The following PPP2R2B variants were observed in gnomAD, a reference collection of about 807,000 sequenced individuals.
The protein encoded by PPP2R2B is protein phosphatase 2 regulatory subunit Bbeta, also known as serine/threonine-protein phosphatase 2A 55 kDa regulatory subunit B beta isoform.
In PPP2R2B, 5 loss-of-function variants were observed where a neutral mutation model predicts 46.0. That is an observed-to-expected ratio of 0.11 (90% CI 0.06 to 0.23). The LOEUF is 0.23. PPP2R2B is among the 10% of genes least tolerant of loss of function. The pLI is 1.00. For synonymous variants in PPP2R2B, 215 were observed against 206.7 expected, an observed-to-expected ratio of 1.04 and a Z score of -0.34; for missense variants, 367 against 575.0, an observed-to-expected ratio of 0.64 and a Z score of 3.70.
intron 2 of PPP2R2B, among the ~76,000 whole-genome samples, chr5:146,721,063 C>G (rs1349032383): frequency 2.0e-5 from 3 of 152,196 alleles, no homozygotes; most frequent in East Asian, 3.9e-4. Flanking sequence ...ACCAGAGCAG[C>G]CTTAATTTGG....
At chr5:147,005,424 G>A (rs1270483736) in intron 1 of PPP2R2B, among the ~76,000 whole-genome samples, 3 of 152,214 alleles carry the variant, frequency 2.0e-5, no homozygotes, top group African/African-American at 4.8e-5. Context: ...TATACAGATA[G>A]CAAGTATGCT....
chr5:146,915,659 G>A (rs571733360), intron 1 of PPP2R2B, among the ~76,000 whole-genome samples: 5 of 152,170 alleles, frequency 3.3e-5, no homozygotes, highest in Admixed American at 1.3e-4. Flanking sequence ...TTTCCTTAAC[G>A]ACTGACTCAT....
chr5:146,971,642 G>A (rs996273023), intron 1 of PPP2R2B, among the ~76,000 whole-genome samples: 3 of 152,078 alleles, frequency 2.0e-5, no homozygotes, highest in Non-Finnish European at 4.4e-5. Context: ...TAATTCAGTT[G>A]TTATTTTGAA....
intron 2 of PPP2R2B, among the ~76,000 whole-genome samples, chr5:146,872,302 A>G (rs1303597123): frequency 6.6e-6 from 1 of 152,180 alleles, no homozygotes; most frequent in Non-Finnish European, 1.5e-5. Flanking sequence ...GTCATTTACA[A>G]TAGTGTAAGG....
intron 1 of PPP2R2B, among the ~76,000 whole-genome samples, chr5:147,030,598 A>T (rs1755734767): frequency 6.6e-6 from 1 of 151,912 alleles, no homozygotes; most frequent in Non-Finnish European, 1.5e-5. Flanking sequence ...AACTTCTGAA[A>T]TTTCCCTCTA....
intron 1 of PPP2R2B, among the ~76,000 whole-genome samples, chr5:146,926,540 G>A (rs1253563059): frequency 1.3e-5 from 2 of 151,850 alleles, no homozygotes; most frequent in African/African-American, 4.8e-5. Context: ...CACAGGCTCC[G>A]ATTTTATTTT....
chr5:146,959,027 T>C (rs1204254995), intron 1 of PPP2R2B, among the ~76,000 whole-genome samples: 8 of 152,210 alleles, frequency 5.3e-5, no homozygotes, highest in Middle Eastern at 6.3e-3. Context: ...GGTTCTTACA[T>C]AGTAGCCTTA....
At chr5:146,892,983 T>C (rs1762535839) in intron 1 of PPP2R2B, among the ~76,000 whole-genome samples, 1 of 152,186 alleles carries the variant, frequency 6.6e-6, no homozygotes, top group South Asian at 2.1e-4. Context: ...TCTAGTTCAT[T>C]TTCTGTCACC....
At chr5:146,655,907 G>C (rs1181819516) in intron 5 of PPP2R2B, among the ~76,000 whole-genome samples, 1 of 151,936 alleles carries the variant, frequency 6.6e-6, no homozygotes, top group Non-Finnish European at 1.5e-5. Context: ...GAGAGGTGGG[G>C]GGTAGGGAGG....
intron 5 of PPP2R2B, among the ~76,000 whole-genome samples, chr5:146,685,199 A>G (rs1471680586): frequency 8.2e-6 from 1 of 122,630 alleles, no homozygotes; most frequent in African/African-American, 3.3e-5. Context: ...TCCTAATAAT[A>G]GTGAGGAACA....
At chr5:146,949,180 G>GT (rs796487120) in intron 1 of PPP2R2B, among the ~76,000 whole-genome samples, 89 of 151,302 alleles carry the variant, frequency 5.9e-4, no homozygotes, top group South Asian at 2.1e-3. Flanking sequence ...TTCAAGAATA[G>GT]TTTTTTTTTA....
chr5:146,864,485 C>T (rs1402547839), intron 2 of PPP2R2B, among the ~76,000 whole-genome samples: 1 of 147,002 alleles, frequency 6.8e-6, no homozygotes, highest in Non-Finnish European at 1.5e-5. Context: ...AACAACCATA[C>T]TGGTTGTCAT....
At chr5:146,635,344 G>GTT (rs61642938) in intron 7 of PPP2R2B, among the ~76,000 whole-genome samples, 2 of 150,800 alleles carry the variant, frequency 1.3e-5, no homozygotes, top group African/African-American at 4.9e-5. Flanking sequence ...TGTGTCATGG[G>GTT]TTTTTTTTTG....
chr5:146,944,561 A>G (rs140495319), intron 1 of PPP2R2B, among the ~76,000 whole-genome samples: 66 of 152,218 alleles, frequency 4.3e-4, no homozygotes, highest in Admixed American at 1.4e-3. Context: ...TTGAAATTCA[A>G]TATATCTCCT....
chr5:146,668,160 G>C (rs1777126624), intron 5 of PPP2R2B, among the ~76,000 whole-genome samples: 2 of 146,546 alleles, frequency 1.4e-5, no homozygotes, highest in Non-Finnish European at 3.0e-5. Flanking sequence ...AGAATAATTG[G>C]ATACATTTAA....
At chr5:146,820,544 T>A (rs923637528) in intron 2 of PPP2R2B, among the ~76,000 whole-genome samples, 1 of 152,088 alleles carries the variant, frequency 6.6e-6, no homozygotes, top group African/African-American at 2.4e-5. Flanking sequence ...AAAAGAGCAA[T>A]GTGATCACAA....
intron 1 of PPP2R2B, among the ~76,000 whole-genome samples, chr5:146,991,511 A>G (rs1753697539): frequency 6.6e-6 from 1 of 152,188 alleles, no homozygotes; most frequent in African/African-American, 2.4e-5. Context: ...CATATATTAC[A>G]TAGTAGGGTG....
intron 1 of PPP2R2B, among the ~76,000 whole-genome samples, chr5:146,928,334 A>T (rs1435285268): frequency 6.6e-6 from 1 of 151,648 alleles, no homozygotes; most frequent in Non-Finnish European, 1.5e-5. Context: ...TGCCATCTCC[A>T]CTTGGAAATC....
At chr5:146,674,680 A>G in intron 5 of PPP2R2B, among the ~76,000 whole-genome samples, 1 of 152,216 alleles carries the variant, frequency 6.6e-6, no homozygotes, top group East Asian at 1.9e-4. Flanking sequence ...CATCATTGGC[A>G]GCAGGAATAT....
Sources: gnomAD v4.1 joint callset for allele counts (sites outside exome capture counted in the v4.1 genomes callset) on GRCh38, gnomAD v4.1.1 for gene constraint, MANE v1.5 for transcripts, NCBI Gene and HGNC (gene_info 2026-07-23, HGNC 2026-07-21) for gene names.